Variants in TPRG1 observed in about 807,000 individuals in gnomAD.
TPRG1 encodes tumor protein p63 regulated 1.
A neutral mutation model predicts 29.3 loss-of-function variants in TPRG1; 29 were observed. The observed-to-expected ratio is 0.99, with a 90% confidence interval of 0.74 to 1.35. The LOEUF is 1.35. Among genes scored for constraint, TPRG1 ranks in the 40% most tolerant of loss-of-function variants. The probability of loss-of-function intolerance (pLI) is 0.00; values close to 1 mark genes in which losing one functional copy is unlikely to be tolerated. For synonymous variants in TPRG1, 130 were observed against 116.8 expected, an observed-to-expected ratio of 1.11 and a Z score of -0.73; for missense variants, 327 against 335.0, an observed-to-expected ratio of 0.98 and a Z score of 0.19.
chr3:189,214,653 A>T (rs1051761036), intron 2 of TPRG1, among the ~76,000 whole-genome samples: 4 of 151,858 alleles, frequency 2.6e-5, no homozygotes, highest in South Asian at 2.1e-4. Context: ...TGAATAAAAA[A>T]CTCTGGGTAG....
At chr3:189,099,284 C>A (rs1252476300), upstream of TPRG1, among the ~76,000 whole-genome samples, 1 of 152,142 alleles carries the variant, frequency 6.6e-6, no homozygotes, top group Non-Finnish European at 1.5e-5. Context: ...GAAATATGCC[C>A]TGGAGGTTCT....
Position 189,260,817 on chromosome 3 carries a change from G to A in TPRG1, c.479+21908G>A, listed in dbSNP as rs553832667. 4.3e-4 allele frequency among the ~76,000 whole-genome samples: 65 copies of A among 152,270 alleles called. No individual in the cohort carries two copies. The Middle Eastern group carries it at 0.01, about 24-fold the overall frequency. ...CCTGTTGACTTAGTGTCAGCAGGTGGAGGGAGGAAGGAGGGCATCGCAGAC... is the reference window on the plus strand; with the variant it reads ...CCTGTTGACTTAGTGTCAGCAGGTGAAGGGAGGAAGGAGGGCATCGCAGAC... On this transcript the variant is annotated intron_variant, in intron 4 of 5. Transcript: ENST00000345063.
chr3:189,162,963 A>G (rs934795499), intron 5 of TPRG1, among the ~76,000 whole-genome samples: 1 of 152,206 alleles, frequency 6.6e-6, no homozygotes, highest in East Asian at 1.9e-4. Context: ...AATTTAAAAC[A>G]CAAGTTGATT....
chr3:189,136,967 A>G lies in TPRG1; in HGVS notation c.-291+4270A>G, dbSNP rs985023623. 5.9e-5 allele frequency among the ~76,000 whole-genome samples: 9 copies of G among 152,138 alleles called. No individual in the cohort carries two copies. The East Asian group carries it at 1.7e-3, about 29-fold the overall frequency. ...GGATAGGTGTATGGAGACAATTTTT[A>G]AAAAAATGGACATGACCCCTGTCCT... On this transcript the variant is annotated intron_variant, in intron 3 of 6. Transcript: ENST00000412373.
At chr3:189,207,292 C>T in intron 1 of TPRG1, 84 bp from the exon 2 acceptor site, 1 of 1,515,250 alleles carries the variant, frequency 6.6e-7, no homozygotes. Context: ...ATTCCGTTTG[C>T]TCATCATATT....
At position 189,238,839 on chromosome 3, in the gene TPRG1, C is replaced by T. The variant is rs774264008; in HGVS notation, c.409C>T (p.Arg137Trp). 64 of 1,613,624 alleles carry T rather than the reference C, an allele frequency of 4.0e-5. No homozygotes were observed. Among genetic ancestry groups the T allele is most frequent in the Middle Eastern group, 3.3e-4 (2 of 6,064 alleles). ...FIMLSCVQLQ[R>W]IPLSAVYRIC... Reference sequence around the variant, plus strand: ...CATGCTGAGTTGTGTGCAGCTGCAGCGGATTCCTCTGAGCGCTGTCTATCG... The same window carrying T: ...CATGCTGAGTTGTGTGCAGCTGCAGTGGATTCCTCTGAGCGCTGTCTATCG... The change falls in exon 4 of 6, where the codon CGG (arginine) becomes TGG (tryptophan). Residue 137 changes from arginine to tryptophan, a missense_variant. By Grantham distance (101) the Arg-to-Trp change is moderately radical (BLOSUM62 -3). Coordinates refer to ENST00000345063, the MANE Select transcript of TPRG1 (RefSeq NM_198485.4).
intron 4 of TPRG1, chr3:189,310,158 T>A (rs1459488652): frequency 3.0e-6 from 1 of 329,114 alleles, no homozygotes; most frequent in Non-Finnish European, 5.6e-6. Flanking sequence ...CTGTTCTGAG[T>A]GTCAGACTCA....
intron 1 of TPRG1, among the ~76,000 whole-genome samples, chr3:189,173,082 T>G (rs991845745): frequency 6.6e-6 from 1 of 152,208 alleles, no homozygotes; most frequent in Non-Finnish European, 1.5e-5. Flanking sequence ...CATCTTCAGT[T>G]ATTATGTAGT....
chr3:189,317,285 T>C lies in TPRG1; in HGVS notation c.634-3341T>C, dbSNP rs558559439. Among the ~76,000 whole-genome samples the C allele has an allele frequency of 1.5e-4, 23 of 152,262 alleles. No homozygotes were observed. The South Asian group carries it at 4.8e-3, about 32-fold the overall frequency. ...ACTTTGATTTTTAAGAGATCATGGT[T>C]TGGTAATGATGATGAGGATGATGTC... On this transcript the variant is annotated intron_variant, in intron 5 of 5. Coordinates refer to ENST00000345063, the MANE Select transcript of TPRG1 (RefSeq NM_198485.4).
chr3:189,039,455 C>T (rs1714491095), intron 4 of TPRG1, among the ~76,000 whole-genome samples: 1 of 152,010 alleles, frequency 6.6e-6, no homozygotes. Flanking sequence ...ATGAGGGTTA[C>T]CACAAGATGA....
intron 4 of TPRG1, among the ~76,000 whole-genome samples, chr3:189,092,722 A>C (rs577516706): frequency 2.0e-5 from 3 of 152,256 alleles, no homozygotes; most frequent in East Asian, 3.9e-4. Flanking sequence ...TACGGGCAAT[A>C]CCACTGTCAC....
At chr3:189,248,340 G>A (rs1274007176) in intron 4 of TPRG1, among the ~76,000 whole-genome samples, 1 of 151,776 alleles carries the variant, frequency 6.6e-6, no homozygotes, top group African/African-American at 2.4e-5. Context: ...TTATTTTGCA[G>A]ATAATTACTT....
intron 4 of TPRG1, among the ~76,000 whole-genome samples, chr3:189,285,894 GA>G (rs1717976426): frequency 6.6e-6 from 1 of 151,664 alleles, no homozygotes; most frequent in African/African-American, 2.4e-5. Flanking sequence ...TTTTTTTTCT[GA>G]GTACAATATT....
intron 4 of TPRG1, among the ~76,000 whole-genome samples, chr3:189,293,963 T>A (rs2109220674): frequency 6.6e-6 from 1 of 152,350 alleles, no homozygotes; most frequent in Admixed American, 6.5e-5. Flanking sequence ...TAGTTTCCAA[T>A]ATCTTCTACT....
At chr3:189,141,500 T>C (rs1724556629) in intron 3 of TPRG1, among the ~76,000 whole-genome samples, 1 of 152,106 alleles carries the variant, frequency 6.6e-6, no homozygotes, top group Non-Finnish European at 1.5e-5. Context: ...AATTAAGATA[T>C]GCCAAGTGCA....
At chr3:189,165,712 C>A (rs186612835) in intron 5 of TPRG1, among the ~76,000 whole-genome samples, 1 of 149,286 alleles carries the variant, frequency 6.7e-6, no homozygotes, top group East Asian at 1.9e-4. Flanking sequence ...CTGCTCACTG[C>A]ACTGGGGGTG....
At chr3:189,213,325 C>T (rs964612218) in intron 2 of TPRG1, among the ~76,000 whole-genome samples, 1 of 152,140 alleles carries the variant, frequency 6.6e-6, no homozygotes, top group Non-Finnish European at 1.5e-5. Context: ...CTGAGATTTA[C>T]ACCTTGATGT....
chr3:189,291,692 T>C (rs1413936648), intron 4 of TPRG1, among the ~76,000 whole-genome samples: 1 of 152,270 alleles, frequency 6.6e-6, no homozygotes, highest in Non-Finnish European at 1.5e-5. Flanking sequence ...CCTGTTTTAG[T>C]GATCTTGCCA....
At chr3:189,270,061 T>TTCTTCTTCTTC (rs1560629756) in intron 4 of TPRG1, among the ~76,000 whole-genome samples, 2 of 132,134 alleles carry the variant, frequency 1.5e-5, no homozygotes, top group Non-Finnish European at 3.2e-5. Context: ...TCTTCTTCTT[T>TTCTTCTTCTTC]TTTGTCTGTA....
Sources: gnomAD v4.1 joint callset for allele counts (sites outside exome capture counted in the v4.1 genomes callset) on GRCh38, gnomAD v4.1.1 for gene constraint, MANE v1.5 for transcripts, NCBI Gene and HGNC (gene_info 2026-07-23, HGNC 2026-07-21) for gene names.